IFT56: variants seen among roughly 807,000 people sequenced by gnomAD.
IFT56 encodes the protein intraflagellar transport 56, also known as intraflagellar transport protein 56.
At chr7:139,180,791 C>T in the IFT56 span, among the ~76,000 whole-genome samples, 7 of 151,988 alleles carry the variant, frequency 4.6e-5, no homozygotes, top group African/African-American at 9.7e-5. Context: ...GAGATTGAAA[C>T]GACGAGTAGG....
At chr7:139,172,580 G>A in the IFT56 span, 1 of 566,570 alleles carries the variant, frequency 1.8e-6, no homozygotes, top group Non-Finnish European at 3.5e-6. Flanking sequence ...AGCTGACTCT[G>A]GGAAAAAGTA....
At chr7:139,189,477 A>T in the IFT56 span, 1 of 1,330,078 alleles carries the variant, frequency 7.5e-7, no homozygotes, top group Non-Finnish European at 1.1e-6. Context: ...TTGACATAAA[A>T]CTGGAAATCA....
chr7:139,152,209 C>T, the IFT56 span, among the ~76,000 whole-genome samples: 1 of 152,214 alleles, frequency 6.6e-6, no homozygotes, highest in South Asian at 2.1e-4. Flanking sequence ...TCATTGCAGC[C>T]TCAAACTCCT....
the IFT56 span, among the ~76,000 whole-genome samples, chr7:139,162,623 C>T: frequency 2.6e-5 from 4 of 152,078 alleles, no homozygotes; most frequent in South Asian, 8.3e-4. Flanking sequence ...AGTCACTTAA[C>T]ATTGCTGAGT....
At chr7:139,160,590 C>T in the IFT56 span, among the ~76,000 whole-genome samples, 11 of 152,074 alleles carry the variant, frequency 7.2e-5, no homozygotes, top group East Asian at 9.6e-4. Context: ...CTACCACGCC[C>T]AGCTAATTTT....
the IFT56 span, among the ~76,000 whole-genome samples, chr7:139,184,215 T>G: frequency 7.9e-5 from 12 of 152,188 alleles, no homozygotes; most frequent in Non-Finnish European, 4.4e-5. Flanking sequence ...TCAGATCTGC[T>G]TAATAGGGCC....
the IFT56 span, chr7:139,191,311 C>T: frequency 6.6e-6 from 1 of 152,204 alleles, no homozygotes; most frequent in Non-Finnish European, 1.5e-5. Flanking sequence ...ATCTTAGGAA[C>T]TAGATGGGTC....
chr7:139,176,206 T>C, the IFT56 span, among the ~76,000 whole-genome samples: 2 of 151,840 alleles, frequency 1.3e-5, no homozygotes, highest in African/African-American at 4.8e-5. Context: ...AAGAGTATAA[T>C]TGGATTGTTT....
At chr7:139,152,148 G>A in the IFT56 span, among the ~76,000 whole-genome samples, 1 of 152,286 alleles carries the variant, frequency 6.6e-6, no homozygotes, top group East Asian at 1.9e-4. Context: ...TATTTATTTA[G>A]AGACAGTGTC....
At chr7:139,174,756 C>G in the IFT56 span, among the ~76,000 whole-genome samples, 4 of 152,178 alleles carry the variant, frequency 2.6e-5, no homozygotes, top group Non-Finnish European at 2.9e-5. Context: ...TGCCGTGGCT[C>G]ACACCTGTAA....
chr7:139,187,365 C>T, the IFT56 span: 7 of 1,602,366 alleles, frequency 4.4e-6, no homozygotes, highest in Admixed American at 8.5e-5. Context: ...TCTGTGCAAT[C>T]TCTTTACTGC....
chr7:139,161,042 C>T, the IFT56 span: 1 of 1,606,606 alleles, frequency 6.2e-7, no homozygotes, highest in Non-Finnish European at 8.5e-7. Flanking sequence ...GATTTCCCGT[C>T]TTGACTGAGT....
At chr7:139,146,983 G>A in the IFT56 span, 1 of 1,524,390 alleles carries the variant, frequency 6.6e-7, no homozygotes, top group East Asian at 2.5e-5. Context: ...TTTCTTTGCA[G>A]GAGAAATGAA....
chr7:139,165,022 A>G, the IFT56 span: 1 of 702,088 alleles, frequency 1.4e-6, no homozygotes, highest in Non-Finnish European at 2.3e-6. Flanking sequence ...TCCCAGAGCT[A>G]TTTTAGTTGA....
the IFT56 span, chr7:139,169,227 TA>T: frequency 2.2e-6 from 3 of 1,366,372 alleles, no homozygotes; most frequent in Non-Finnish European, 2.1e-6. Context: ...TAGAACCATA[TA>T]GTATAATAAA....
At chr7:139,139,851 T>G in the IFT56 span, 1 of 1,412,366 alleles carries the variant, frequency 7.1e-7, no homozygotes, top group Admixed American at 1.9e-5. Flanking sequence ...TCAATTGCTT[T>G]GCTGCCAAAA....
the IFT56 span, among the ~76,000 whole-genome samples, chr7:139,171,879 C>G: frequency 6.6e-6 from 1 of 152,114 alleles, no homozygotes; most frequent in Non-Finnish European, 1.5e-5. Context: ...AGAAAGGTAG[C>G]CATAACATTA....
At chr7:139,172,944 G>A in the IFT56 span, 10 of 724,766 alleles carry the variant, frequency 1.4e-5, no homozygotes, top group African/African-American at 3.5e-5. Flanking sequence ...TTATACTGGC[G>A]GATGTGTCCT....
chr7:139,162,522 T>C, the IFT56 span, among the ~76,000 whole-genome samples: 1 of 152,126 alleles, frequency 6.6e-6, no homozygotes, highest in Non-Finnish European at 1.5e-5. Context: ...ATCAGGGCAA[T>C]ATAAGTGGTT....
Sources: gnomAD v4.1 joint callset for allele counts (sites outside exome capture counted in the v4.1 genomes callset) on GRCh38, gnomAD v4.1.1 for gene constraint, MANE v1.5 for transcripts, NCBI Gene and HGNC (gene_info 2026-07-23, HGNC 2026-07-21) for gene names.